DNAH3: variants seen among roughly 807,000 people sequenced by gnomAD.
DNAH3 encodes axonemal beta dynein heavy chain 3.
Under a neutral mutation model 432.5 loss-of-function variants are expected in DNAH3, and 332 were observed. The ratio of observed to expected loss-of-function variants is 0.77; its 90% CI spans 0.70 to 0.84. The LOEUF is 0.84. DNAH3 is among the 40% of genes least tolerant of loss of function. The pLI is 0.00. For missense variants in DNAH3, 4,861 were observed against 5,114.0 expected (o/e 0.95, Z 1.51); for synonymous variants, 1,956 against 1,900.2 (o/e 1.03, Z -0.76).
At chr16:20,975,985 T>C (rs530817435) in intron 50 of DNAH3, among the ~76,000 whole-genome samples, 1 of 152,260 alleles carries the variant, frequency 6.6e-6, no homozygotes, top group Non-Finnish European at 1.5e-5. Flanking sequence ...CCTCAGGTGA[T>C]CCACCCACCT....
chr16:20,975,464 CA>C, intron 50 of DNAH3, 49 bp from the exon 51 acceptor site: 2 of 1,545,886 alleles, frequency 1.3e-6, no homozygotes, highest in Non-Finnish European at 1.8e-6. Flanking sequence ...CTGAAAATGG[CA>C]AAGTAGACAA....
chr16:21,087,001 T>G, exon 19 of DNAH3: 1 of 1,614,194 alleles, frequency 6.2e-7, no homozygotes, highest in Admixed American at 1.7e-5. Context: ...TTATACGTTG[T>G]CCTCCACATA....
At position 21,049,571 on chromosome 16, in the gene DNAH3, C is replaced by T. The variant is rs539798967; in HGVS notation, c.4459G>A (p.Glu1487Lys). 1.1e-4 allele frequency: 184 copies of T among 1,613,904 alleles called. No individual in the cohort carries two copies. The highest frequency in any genetic ancestry group is 1.4e-4 in the Non-Finnish European group (171 of 1,179,816). ...CTGCAGCCTAGAGGCAGAGTTACCT[C>T]GATCCTGTTGAACTCATCAAAGCAC... Residue 1487 changes from glutamate to lysine, a missense_variant and splice_region_variant, in exon 31 of 62, where the codon GAG becomes AAG. By Grantham distance (56) the Glu-to-Lys change is moderately conservative. Coordinates refer to ENST00000261383, the Ensembl canonical transcript of DNAH3.
chr16:20,970,678 G>A (rs1356566076), intron 51 of DNAH3, among the ~76,000 whole-genome samples: 2 of 152,104 alleles, frequency 1.3e-5, no homozygotes, highest in South Asian at 2.1e-4. Context: ...GCAGTGTGAC[G>A]AAATGTAATC....
exon 6 of DNAH3, chr16:21,136,483 G>A (rs181937425): frequency 7.4e-6 from 12 of 1,614,102 alleles, no homozygotes; most frequent in African/African-American, 4.0e-5. Context: ...ATGTCTTTGC[G>A]AATTCCATTG....
intron 52 of DNAH3, among the ~76,000 whole-genome samples, chr16:20,969,270 C>G (rs1278927060): frequency 6.6e-6 from 1 of 151,150 alleles, no homozygotes; most frequent in Non-Finnish European, 1.5e-5. Flanking sequence ...GTGCATGTCT[C>G]TGTGTGCATG....
chr16:21,120,411 T>C (rs965162520), intron 11 of DNAH3, among the ~76,000 whole-genome samples: 5 of 151,774 alleles, frequency 3.3e-5, no homozygotes, highest in African/African-American at 1.2e-4. Flanking sequence ...TAACTAACTT[T>C]TAAAATTCTT....
At chr16:21,000,372 A>C (rs372870321) in exon 43 of DNAH3, 78 of 1,613,824 alleles carry the variant, frequency 4.8e-5, no homozygotes, top group Non-Finnish European at 6.3e-5. Context: ...TATTTTTGGG[A>C]AGGTGGAGAA....
intron 58 of DNAH3, among the ~76,000 whole-genome samples, chr16:20,943,472 C>T (rs1334700195): frequency 6.6e-6 from 1 of 152,162 alleles, no homozygotes; most frequent in East Asian, 1.9e-4. Context: ...GCTCCTCCTG[C>T]TTCAGCCTCC....
chr16:20,959,071 A>C, intron 54 of DNAH3, 108 bp downstream of exon 54: 1 of 1,187,954 alleles, frequency 8.4e-7, no homozygotes. Flanking sequence ...CCTGGCCTAG[A>C]CTGAAAGTTT....
At chr16:20,984,681 C>T (rs1433706128) in intron 48 of DNAH3, among the ~76,000 whole-genome samples, 1 of 152,008 alleles carries the variant, frequency 6.6e-6, no homozygotes, top group African/African-American at 2.4e-5. Context: ...ACTAGCCTGG[C>T]CAACATGGTG....
At chr16:20,973,330 G>A (rs1438715938) in intron 51 of DNAH3, among the ~76,000 whole-genome samples, 1 of 151,962 alleles carries the variant, frequency 6.6e-6, no homozygotes, top group Non-Finnish European at 1.5e-5. Context: ...TCAACGCACT[G>A]TAACCTCTAC....
chr16:21,041,902 A>G, intron 32 of DNAH3, 125 bp downstream of exon 32: 7 of 1,044,418 alleles, frequency 6.7e-6, no homozygotes, highest in Non-Finnish European at 8.7e-6. Context: ...CGAGCTCCTG[A>G]CCTCAGGTGA....
chr16:21,144,657 A>G (rs1030267716), intron 3 of DNAH3, among the ~76,000 whole-genome samples: 3 of 152,220 alleles, frequency 2.0e-5, no homozygotes, highest in African/African-American at 7.2e-5. Flanking sequence ...TTATCATGCA[A>G]ACAATAACAC....
At chr16:21,123,718 C>T (rs563633232) in intron 9 of DNAH3, among the ~76,000 whole-genome samples, 1 of 152,040 alleles carries the variant, frequency 6.6e-6, no homozygotes, top group Admixed American at 6.6e-5. Context: ...AAAGAATATT[C>T]ATCGATTTTT....
At chr16:20,974,579 G>GGTTT (rs1555514733) in intron 51 of DNAH3, among the ~76,000 whole-genome samples, 1 of 81,842 alleles carries the variant, frequency 1.2e-5, no homozygotes, top group East Asian at 4.3e-4. Flanking sequence ...GTTTTATAGT[G>GGTTT]TTTTTTTTTT....
chr16:21,098,116 G>C (rs2152792360), intron 17 of DNAH3, among the ~76,000 whole-genome samples: 1 of 152,230 alleles, frequency 6.6e-6, no homozygotes, highest in South Asian at 2.1e-4. Flanking sequence ...GGAAAAGTCT[G>C]GTGTCATGAA....
chr16:21,081,780 G>A (rs982430875), intron 19 of DNAH3, 53 bp from the exon 20 acceptor site: 8 of 1,456,694 alleles, frequency 5.5e-6, no homozygotes, highest in Non-Finnish European at 7.7e-6. Flanking sequence ...GTGCTGTCCA[G>A]TAGAACCTTC....
intron 8 of DNAH3, 37 bp from the exon 10 acceptor site, chr16:21,125,407 T>A (rs2092427367): frequency 1.3e-6 from 2 of 1,518,410 alleles, no homozygotes; most frequent in Admixed American, 4.0e-5. Context: ...GAGAAGCTCT[T>A]CTGGGCTCCG....
Sources: gnomAD v4.1 joint callset for allele counts (sites outside exome capture counted in the v4.1 genomes callset) on GRCh38, gnomAD v4.1.1 for gene constraint, MANE v1.5 for transcripts, NCBI Gene and HGNC (gene_info 2026-07-23, HGNC 2026-07-21) for gene names.